DNAH6: variants seen among roughly 807,000 people sequenced by gnomAD.
The protein encoded by DNAH6 is axonemal beta dynein heavy chain 6.
In DNAH6, 340 loss-of-function variants were observed where a neutral mutation model predicts 491.4. The ratio of observed to expected loss-of-function variants is 0.69; its 90% CI spans 0.63 to 0.76. The LOEUF (loss-of-function observed/expected upper bound fraction) is 0.76. DNAH6 is among the 30% of genes least tolerant of loss of function. DNAH6 has a pLI of 0.00. For synonymous variants in DNAH6, 1,603 were observed against 1,686.1 expected, an observed-to-expected ratio of 0.95 and a Z score of 1.21; for missense variants, 4,443 against 4,972.2, an observed-to-expected ratio of 0.89 and a Z score of 3.20.
chr2:84,471,334 T>C, the DNAH6 span, among the ~76,000 whole-genome samples: 3 of 152,244 alleles, frequency 2.0e-5, no homozygotes, highest in African/African-American at 7.2e-5. Context: ...AGCTTCATTT[T>C]TCTTAGCCCT....
intron 73 of DNAH6, 95 bp from the exon 74 acceptor site, chr2:84,812,963 T>G: frequency 9.7e-7 from 1 of 1,029,370 alleles, no homozygotes. Context: ...CTTTAGATTC[T>G]GCCTCCTGAG....
At chr2:84,704,904 G>T (rs1242229014) in intron 51 of DNAH6, among the ~76,000 whole-genome samples, 5 of 152,170 alleles carry the variant, frequency 3.3e-5, no homozygotes, top group Admixed American at 3.3e-4. Flanking sequence ...TCACCACCAG[G>T]CTTCCAGGAG....
Position 84,642,008 on chromosome 2 carries a change from G to A in DNAH6, c.5032G>A (p.Asp1678Asn), listed in dbSNP as rs1443086872. The change falls in exon 33 of 77, where the codon GAC (aspartate) becomes AAC (asparagine). Residue 1678 changes from aspartate to asparagine, a missense_variant. Transcript: ENST00000389394. The stretch of plus-strand genomic sequence containing the variant: ...TGTGGTGTTGATAAGAGCTTTACAA[G>A]ACTCCAATTTGCCAAAATTTCTAAC... ...EDVVLIRALQ[D>N]SNLPKFLTDD... is the part of the protein sequence containing the mutation. 6.4e-6 allele frequency: 10 copies of A among 1,551,008 alleles called. No homozygotes were observed.
intron 15 of DNAH6, among the ~76,000 whole-genome samples, chr2:84,586,359 G>A (rs1469268061): frequency 6.6e-6 from 1 of 152,246 alleles, no homozygotes; most frequent in East Asian, 1.9e-4. Flanking sequence ...TGCTGCAGCA[G>A]GCGTGTTGGC....
At chr2:84,506,734 A>C in the DNAH6 span, among the ~76,000 whole-genome samples, 1 of 152,082 alleles carries the variant, frequency 6.6e-6, no homozygotes, top group Non-Finnish European at 1.5e-5. Flanking sequence ...ATCTTGAATT[A>C]ATTTTTGTAT....
chr2:84,615,020 G>GT (rs1205143105), intron 22 of DNAH6, among the ~76,000 whole-genome samples: 3 of 150,714 alleles, frequency 2.0e-5, no homozygotes, highest in African/African-American at 7.5e-5. Context: ...AAGCTTTTAA[G>GT]TTTAAGTCCC....
intron 8 of DNAH6, among the ~76,000 whole-genome samples, chr2:84,548,890 G>A (rs1679060103): frequency 6.6e-6 from 1 of 152,208 alleles, no homozygotes; most frequent in African/African-American, 2.4e-5. Context: ...GTGGCAGGGA[G>A]AAATCAGGCA....
chr2:84,604,573 A>G, intron 19 of DNAH6, 22 bp downstream of exon 19: 3 of 1,523,764 alleles, frequency 2.0e-6, no homozygotes, highest in South Asian at 1.2e-5. Flanking sequence ...ATATATATTT[A>G]TCTATATACC....
chr2:84,662,838 C>G (rs1433529026), intron 37 of DNAH6, among the ~76,000 whole-genome samples: 1 of 152,188 alleles, frequency 6.6e-6, no homozygotes, highest in Non-Finnish European at 1.5e-5. Context: ...AATAGCCTAA[C>G]TGGGAGATAT....
At chr2:84,467,475 C>G in the DNAH6 span, among the ~76,000 whole-genome samples, 1 of 152,162 alleles carries the variant, frequency 6.6e-6, no homozygotes, top group Non-Finnish European at 1.5e-5. Context: ...GGCAGAAGTG[C>G]AGATAAGAGC....
the DNAH6 span, among the ~76,000 whole-genome samples, chr2:84,483,678 C>T: frequency 6.6e-6 from 1 of 152,054 alleles, no homozygotes; most frequent in Non-Finnish European, 1.5e-5. Flanking sequence ...ATATAAAAAC[C>T]TTATTTTAAA....
At chr2:84,665,836 G>C (rs1311599609) in intron 37 of DNAH6, among the ~76,000 whole-genome samples, 1 of 152,092 alleles carries the variant, frequency 6.6e-6, no homozygotes. Flanking sequence ...GATGAACACT[G>C]ATGCAAAAAT....
intron 2 of DNAH6, among the ~76,000 whole-genome samples, chr2:84,523,568 C>G (rs1464140994): frequency 6.6e-6 from 1 of 151,962 alleles, no homozygotes; most frequent in Non-Finnish European, 1.5e-5. Flanking sequence ...TGAGATCTTT[C>G]TAATTTTTTA....
At chr2:84,616,126 T>C (rs1558801547) in intron 22 of DNAH6, among the ~76,000 whole-genome samples, 1 of 152,102 alleles carries the variant, frequency 6.6e-6, no homozygotes, top group Non-Finnish European at 1.5e-5. Context: ...TTTTGGAGAA[T>C]ATTCTGTGCT....
intron 17 of DNAH6, among the ~76,000 whole-genome samples, 170 bp downstream of exon 17, chr2:84,594,255 A>G (rs916054433): frequency 6.6e-6 from 1 of 152,290 alleles, no homozygotes; most frequent in Admixed American, 6.5e-5. Context: ...TGAAAGGCAC[A>G]AAGGTCCTTA....
chr2:84,510,629 C>T, the DNAH6 span, among the ~76,000 whole-genome samples: 5 of 152,122 alleles, frequency 3.3e-5, no homozygotes, highest in Admixed American at 3.3e-4. Flanking sequence ...ATCTGCGTTC[C>T]TTTGGAGGAG....
chr2:84,513,086 A>G (rs1280632040), upstream of DNAH6, among the ~76,000 whole-genome samples: 2 of 149,864 alleles, frequency 1.3e-5, no homozygotes, highest in African/African-American at 4.9e-5. Flanking sequence ...TTTTAAGTGT[A>G]CCATTTTGGT....
In DNAH6 at chr2:84,518,171, G is replaced by A. The variant is rs1176581872; in HGVS notation, c.225+120G>A. 7 of 691,272 alleles carry A rather than the reference G, an allele frequency of 1.0e-5. No individual in the cohort carries two copies. The East Asian group carries it at 1.9e-4, about 19-fold the overall frequency. The allele number at this position is 691,272 out of a possible 1,614,324, so 42.8% of individuals were successfully genotyped here. On this transcript the variant is annotated intron_variant, in intron 2 of 76. Coordinates refer to ENST00000389394, the MANE Select transcript of DNAH6 (RefSeq NM_001370.2). ...ACAAAGAAGGAATGAAAAGCTAAAAGATAATAACTGCTTATGTAGTTGTAA... is the reference window on the plus strand; with the variant it reads ...ACAAAGAAGGAATGAAAAGCTAAAAAATAATAACTGCTTATGTAGTTGTAA...
intron 33 of DNAH6, among the ~76,000 whole-genome samples, chr2:84,650,757 G>A (rs142613086): frequency 3.4e-4 from 51 of 152,132 alleles, no homozygotes; most frequent in Non-Finnish European, 6.2e-4. Context: ...CAGTTTTAAC[G>A]TTTCTCTCAT....
Sources: gnomAD v4.1 joint callset for allele counts (sites outside exome capture counted in the v4.1 genomes callset) on GRCh38, gnomAD v4.1.1 for gene constraint, MANE v1.5 for transcripts, NCBI Gene and HGNC (gene_info 2026-07-23, HGNC 2026-07-21) for gene names.